The following C8A variants were observed in gnomAD, a reference collection of about 807,000 sequenced individuals.
C8A encodes the protein complement component C8 alpha chain.
C8A carries 67 observed loss-of-function variants against 65.3 expected under a neutral mutation model. The ratio of observed to expected loss-of-function variants is 1.03; its 90% CI spans 0.84 to 1.26. The LOEUF is 1.26. C8A is among the 50% of genes most tolerant of loss of function. The pLI, the probability that C8A is intolerant of heterozygous loss-of-function variation, is 0.00. For missense variants in C8A, 781 were observed against 723.9 expected (o/e 1.08, Z -0.90); for synonymous variants, 290 against 259.4 (o/e 1.12, Z -1.13).
At chr1:56,879,353 C>A (rs1644229053) in intron 4 of C8A, among the ~76,000 whole-genome samples, 1 of 152,128 alleles carries the variant, frequency 6.6e-6, no homozygotes, top group Non-Finnish European at 1.5e-5. Context: ...AGTAGATTTC[C>A]AAAAAGTAGA....
In C8A at chr1:56,885,396, A is replaced by ACG. The variant is rs1557705740; in HGVS notation, c.856-531_856-530insCG. 3.0e-5 allele frequency among the ~76,000 whole-genome samples: 3 copies of ACG among 99,570 alleles called. No homozygotes were observed. In the South Asian group the frequency reaches 9.4e-4, roughly 31 times the overall value. The allele number at this position is 99,570 out of a possible 152,430, so 65.3% of individuals were successfully genotyped here. ...TATATTTATTTAAATATATATTTAA[A>ACG]TAAATATATATTTATTTAAATATAT... On this transcript the variant is annotated intron_variant, in intron 6 of 10. Coordinates refer to ENST00000361249, the MANE Select transcript of C8A (RefSeq NM_000562.3).
At chr1:56,902,737 G>A (rs913298891) in intron 7 of C8A, among the ~76,000 whole-genome samples, 1 of 152,006 alleles carries the variant, frequency 6.6e-6, no homozygotes, top group African/African-American at 2.4e-5. Context: ...GTGGAATCAG[G>A]CAGTCTTTAT....
intron 7 of C8A, among the ~76,000 whole-genome samples, chr1:56,898,122 T>C (rs1644399830): frequency 6.6e-6 from 1 of 152,102 alleles, no homozygotes; most frequent in Admixed American, 6.5e-5. Flanking sequence ...TAGGTAAGGA[T>C]GAGTAAAAGG....
At chr1:56,887,927 G>C (rs1256155014) in intron 7 of C8A, among the ~76,000 whole-genome samples, 1 of 152,110 alleles carries the variant, frequency 6.6e-6, no homozygotes, top group African/African-American at 2.4e-5. Flanking sequence ...AGTGGGAGTT[G>C]AACAATGAGA....
chr1:56,896,397 A>G (rs1184962936), intron 7 of C8A, among the ~76,000 whole-genome samples: 1 of 152,112 alleles, frequency 6.6e-6, no homozygotes, highest in Non-Finnish European at 1.5e-5. Flanking sequence ...TTCCAGTCTG[A>G]AGGCCAGCAG....
chr1:56,863,842 C>A (rs967571878), intron 1 of C8A, among the ~76,000 whole-genome samples: 3 of 151,206 alleles, frequency 2.0e-5, no homozygotes, highest in Admixed American at 6.6e-5. Flanking sequence ...CCCTCTCTCA[C>A]TCCCTTCCCT....
chr1:56,875,924 A>T, intron 3 of C8A, 138 bp from the exon 4 acceptor site: 1 of 1,189,644 alleles, frequency 8.4e-7, no homozygotes. Context: ...GCTGGAAGGA[A>T]GGCAGAGGCA....
chr1:56,887,106 A>G (rs1644305998), intron 7 of C8A, among the ~76,000 whole-genome samples: 1 of 152,164 alleles, frequency 6.6e-6, no homozygotes, highest in Admixed American at 6.5e-5. Flanking sequence ...AGCCAAGTTC[A>G]AATTCCCAGC....
At chr1:56,907,417 G>A (rs552411550) in intron 8 of C8A, among the ~76,000 whole-genome samples, 1 of 152,286 alleles carries the variant, frequency 6.6e-6, no homozygotes, top group African/African-American at 2.4e-5. Context: ...AGGGCCTTAA[G>A]TCAAATTGTT....
intron 7 of C8A, among the ~76,000 whole-genome samples, chr1:56,887,083 A>G (rs569968065): frequency 6.6e-6 from 1 of 152,308 alleles, no homozygotes; most frequent in East Asian, 1.9e-4. Flanking sequence ...TAAGAGATCT[A>G]TCCATATTGC....
chr1:56,911,714 G>C (rs779691592), intron 9 of C8A, among the ~76,000 whole-genome samples: 1 of 152,158 alleles, frequency 6.6e-6, no homozygotes, highest in Admixed American at 6.5e-5. Flanking sequence ...CCTGAACTAC[G>C]GTCATGTCTG....
chr1:56,863,600 C>G (rs536666194), intron 1 of C8A, among the ~76,000 whole-genome samples: 1 of 152,230 alleles, frequency 6.6e-6, no homozygotes, highest in South Asian at 2.1e-4. Flanking sequence ...GTTCTCAAAC[C>G]TTCTCCCTAT....
At chr1:56,914,705 C>T (rs1192966208) in intron 10 of C8A, among the ~76,000 whole-genome samples, 1 of 152,060 alleles carries the variant, frequency 6.6e-6, no homozygotes, top group Non-Finnish European at 1.5e-5. Context: ...TACTCTGTCA[C>T]CCAGGCTGGA....
At chr1:56,885,427 AAT>A (rs201141844) in intron 6 of C8A, among the ~76,000 whole-genome samples, 1,489 of 103,580 alleles carry the variant, frequency 0.014, 75 homozygotes, top group African/African-American at 0.069. Context: ...TATATATTTA[AAT>A]ATATATTTAA....
At chr1:56,900,810 T>C (rs1405063727) in intron 7 of C8A, among the ~76,000 whole-genome samples, 1 of 152,080 alleles carries the variant, frequency 6.6e-6, no homozygotes, top group Non-Finnish European at 1.5e-5. Flanking sequence ...TGTGCAGAGA[T>C]TTGCAAACCC....
At chr1:56,901,181 G>A (rs1374509787) in intron 7 of C8A, among the ~76,000 whole-genome samples, 1 of 152,160 alleles carries the variant, frequency 6.6e-6, no homozygotes, top group Non-Finnish European at 1.5e-5. Context: ...TGTGATGATA[G>A]AAAATAGACT....
intron 2 of C8A, among the ~76,000 whole-genome samples, chr1:56,872,479 C>T (rs774366664): frequency 3.3e-5 from 5 of 151,826 alleles, no homozygotes; most frequent in African/African-American, 4.8e-5. Context: ...TATCTTAATT[C>T]AAGTAGAAAA....
At chr1:56,861,698 T>C (rs114098918) in intron 1 of C8A, among the ~76,000 whole-genome samples, 5,872 of 152,190 alleles carry the variant, frequency 0.039, 375 homozygotes, top group African/African-American at 0.13. Flanking sequence ...AACATGGAGG[T>C]TGCTGAAGAC....
chr1:56,855,679 C>A (rs2101177585), intron 1 of C8A, among the ~76,000 whole-genome samples: 1 of 151,370 alleles, frequency 6.6e-6, no homozygotes, highest in African/African-American at 2.4e-5. Context: ...TTTGTGGAGC[C>A]TAAGCAGTCC....
Sources: gnomAD v4.1 joint callset for allele counts (sites outside exome capture counted in the v4.1 genomes callset) on GRCh38, gnomAD v4.1.1 for gene constraint, MANE v1.5 for transcripts, NCBI Gene and HGNC (gene_info 2026-07-23, HGNC 2026-07-21) for gene names.